The following CSMD3 variants were observed in gnomAD, a reference collection of about 807,000 sequenced individuals.
The protein encoded by CSMD3 is CUB and sushi domain-containing protein 3.
In CSMD3, 177 loss-of-function variants were observed where a neutral mutation model predicts 435.2. The observed-to-expected ratio is 0.41, with a 90% CI of 0.36 to 0.46. CSMD3 has a LOEUF of 0.46. Among genes scored for constraint, CSMD3 ranks in the 20% least tolerant of loss-of-function variants. CSMD3 has a pLI of 0.34. For synonymous variants in CSMD3, 1,656 were observed against 1,520.5 expected (o/e 1.09, Z -2.07); for missense variants, 4,265 against 4,504.6 (o/e 0.95, Z 1.52).
intron 22 of CSMD3, among the ~76,000 whole-genome samples, chr8:112,602,150 A>G (rs923383726): frequency 6.6e-6 from 1 of 152,116 alleles, no homozygotes; most frequent in Non-Finnish European, 1.5e-5. Context: ...TTATTGGGAG[A>G]CCCCCAATAT....
chr8:113,030,682 T>C (rs1220588704), intron 5 of CSMD3, among the ~76,000 whole-genome samples: 4 of 151,058 alleles, frequency 2.6e-5, no homozygotes, highest in African/African-American at 9.7e-5. Context: ...TCATCAAAAT[T>C]AAACACTTCT....
intron 8 of CSMD3, among the ~76,000 whole-genome samples, chr8:112,954,368 C>T (rs993683039): frequency 1.3e-5 from 2 of 151,448 alleles, no homozygotes; most frequent in Non-Finnish European, 3.0e-5. Flanking sequence ...AGAAATGTTA[C>T]TCATTTTCGC....
At chr8:113,215,607 T>A (rs866127350) in intron 3 of CSMD3, among the ~76,000 whole-genome samples, 3 of 151,882 alleles carry the variant, frequency 2.0e-5, no homozygotes, top group African/African-American at 7.2e-5. Flanking sequence ...CTAAAAGTTG[T>A]TTACTCTCAA....
At chr8:112,602,551 A>G (rs1294351297) in intron 22 of CSMD3, among the ~76,000 whole-genome samples, 2 of 142,774 alleles carry the variant, frequency 1.4e-5, no homozygotes, top group African/African-American at 5.4e-5. Context: ...GGGCAACAAG[A>G]GCAAAACTCT....
intron 1 of CSMD3, among the ~76,000 whole-genome samples, chr8:113,395,225 CT>C (rs2094477755): frequency 6.6e-6 from 1 of 152,064 alleles, no homozygotes; most frequent in Non-Finnish European, 1.5e-5. Flanking sequence ...TAATTAATAA[CT>C]TTAATGAAAC....
intron 1 of CSMD3, among the ~76,000 whole-genome samples, chr8:113,339,331 C>A (rs1334987949): frequency 6.6e-6 from 1 of 151,854 alleles, no homozygotes; most frequent in Middle Eastern, 3.2e-3. Flanking sequence ...TCAAAAATCC[C>A]AGTATCAATT....
At chr8:112,653,337 A>G (rs2075176933) in intron 18 of CSMD3, among the ~76,000 whole-genome samples, 1 of 152,218 alleles carries the variant, frequency 6.6e-6, no homozygotes, top group African/African-American at 2.4e-5. Context: ...TCAAATATCT[A>G]TTGATCATAA....
intron 4 of CSMD3, among the ~76,000 whole-genome samples, chr8:113,162,678 A>G (rs1478796582): frequency 1.3e-5 from 2 of 151,904 alleles, no homozygotes; most frequent in Non-Finnish European, 2.9e-5. Flanking sequence ...TAACCTTAAC[A>G]GTGGCTCAGT....
intron 10 of CSMD3, among the ~76,000 whole-genome samples, chr8:112,886,704 G>T (rs2081608686): frequency 6.6e-6 from 1 of 151,332 alleles, no homozygotes; most frequent in South Asian, 2.1e-4. Context: ...TTGGAGAACT[G>T]GTGCCAGAAC....
At chr8:113,032,680 A>G (rs1587930865) in intron 5 of CSMD3, among the ~76,000 whole-genome samples, 1 of 151,826 alleles carries the variant, frequency 6.6e-6, no homozygotes, top group East Asian at 1.9e-4. Context: ...AGGAAAACAC[A>G]TATTCTGGGG....
intron 1 of CSMD3, among the ~76,000 whole-genome samples, chr8:113,372,918 G>GC (rs2094355757): frequency 6.9e-6 from 1 of 144,380 alleles, no homozygotes; most frequent in African/African-American, 2.5e-5. Context: ...TCCGGCCTGG[G>GC]CGACAGAGCG....
intron 20 of CSMD3, among the ~76,000 whole-genome samples, chr8:112,644,382 C>A (rs560935803): frequency 1.3e-5 from 2 of 151,918 alleles, no homozygotes; most frequent in Non-Finnish European, 2.9e-5. Context: ...ATTAATCATG[C>A]AAAATTGTTT....
chr8:112,355,560 G>T (rs186849931), intron 38 of CSMD3, among the ~76,000 whole-genome samples: 4 of 152,176 alleles, frequency 2.6e-5, no homozygotes, highest in Non-Finnish European at 4.4e-5. Flanking sequence ...AAGGCCGTGC[G>T]TGGTGGCTCA....
At chr8:112,405,240 TATATATAC>T (rs1322172533) in intron 35 of CSMD3, among the ~76,000 whole-genome samples, 1 of 105,130 alleles carries the variant, frequency 9.5e-6, no homozygotes, top group Non-Finnish European at 1.8e-5. Flanking sequence ...TATATATATA[TATATATAC>T]ATATATATAT....
At chr8:112,554,207 A>G (rs917720338) in intron 25 of CSMD3, among the ~76,000 whole-genome samples, 1 of 151,884 alleles carries the variant, frequency 6.6e-6, no homozygotes, top group African/African-American at 2.4e-5. Context: ...GAGAGACAAA[A>G]GAGAGAGACA....
intron 13 of CSMD3, among the ~76,000 whole-genome samples, chr8:112,734,025 A>G (rs1364820065): frequency 1.3e-5 from 2 of 151,954 alleles, no homozygotes; most frequent in African/African-American, 4.8e-5. Context: ...TAGATGGAAG[A>G]CTGCCAAATT....
intron 3 of CSMD3, among the ~76,000 whole-genome samples, chr8:113,240,433 A>G (rs2093201587): frequency 6.6e-6 from 1 of 152,102 alleles, no homozygotes; most frequent in Non-Finnish European, 1.5e-5. Flanking sequence ...GAATTGTCCC[A>G]TTGTCTTCCA....
intron 17 of CSMD3, among the ~76,000 whole-genome samples, chr8:112,664,359 G>A (rs760762862): frequency 6.6e-6 from 1 of 152,088 alleles, no homozygotes; most frequent in Non-Finnish European, 1.5e-5. Flanking sequence ...CTAAAGTAAG[G>A]TTGGTTAATT....
At chr8:112,962,360 C>T (rs1188180148) in intron 7 of CSMD3, among the ~76,000 whole-genome samples, 3 of 151,742 alleles carry the variant, frequency 2.0e-5, no homozygotes, top group Non-Finnish European at 2.9e-5. Flanking sequence ...TCGCACTCAA[C>T]ATAAGAAATC....
Sources: gnomAD v4.1 joint callset for allele counts (sites outside exome capture counted in the v4.1 genomes callset) on GRCh38, gnomAD v4.1.1 for gene constraint, MANE v1.5 for transcripts, NCBI Gene and HGNC (gene_info 2026-07-23, HGNC 2026-07-21) for gene names.